GAK: variants seen among roughly 807,000 people sequenced by gnomAD.
GAK encodes the protein cyclin G associated kinase, also known as cyclin-G-associated kinase.
A neutral mutation model predicts 143.9 loss-of-function variants in GAK; 79 were observed. The observed-to-expected ratio is 0.55, with a 90% CI of 0.46 to 0.66. The LOEUF (loss-of-function observed/expected upper bound fraction) is 0.66, where lower values mean the gene tolerates loss of function less well. Ranked by LOEUF, GAK falls within the 30% of genes least tolerant of loss-of-function variation. GAK has a pLI of 0.00. For synonymous variants in GAK, 881 were observed against 765.5 expected, an observed-to-expected ratio of 1.15 and a Z score of -2.49; for missense variants, 1,693 against 1,779.7, an observed-to-expected ratio of 0.95 and a Z score of 0.88.
chr4:864,640 C>T (rs911671305), intron 23 of GAK, among the ~76,000 whole-genome samples: 6 of 152,200 alleles, frequency 3.9e-5, no homozygotes, highest in South Asian at 2.1e-4. Flanking sequence ...CACGGGGCGT[C>T]GCAAACACGA....
chr4:885,274 G>A (rs187964896), intron 11 of GAK, among the ~76,000 whole-genome samples: 13 of 152,224 alleles, frequency 8.5e-5, no homozygotes, highest in East Asian at 3.9e-4. Context: ...TCTAATCACC[G>A]GTAGAAAAAC....
intron 2 of GAK, 85 bp from the exon 3 acceptor site, chr4:912,879 G>T (rs1014151030): frequency 1.7e-6 from 2 of 1,143,174 alleles, no homozygotes; most frequent in Non-Finnish European, 2.6e-6. Flanking sequence ...ACATAAGCAC[G>T]CAACAGAGCA....
chr4:887,182 A>G (rs951567868), intron 11 of GAK: 1 of 150,854 alleles, frequency 6.6e-6, no homozygotes, highest in African/African-American at 2.5e-5. Context: ...ACACGCGTAC[A>G]CATGCACGCG....
At chr4:923,235 C>A (rs1724172703) in intron 1 of GAK, among the ~76,000 whole-genome samples, 1 of 152,246 alleles carries the variant, frequency 6.6e-6, no homozygotes, top group East Asian at 1.9e-4. Context: ...TTCTCACAGC[C>A]GCGTGGGAAC....
chr4:882,353 G>C (rs10902760), intron 14 of GAK, among the ~76,000 whole-genome samples: 6,654 of 152,264 alleles, frequency 0.044, 170 homozygotes, highest in Middle Eastern at 0.075. Flanking sequence ...GCCACACCCT[G>C]GGAGGCTCAA....
At chr4:881,733 G>A (rs1012149855) in intron 15 of GAK, among the ~76,000 whole-genome samples, 174 bp downstream of exon 15, 3 of 152,246 alleles carry the variant, frequency 2.0e-5, no homozygotes, top group South Asian at 2.1e-4. Context: ...CATCCTCCCC[G>A]GGCTCTGCGG....
chr4:849,833 G>GGGGGGGGCCCCCCCCCCCC, intron 27 of GAK, 59 bp from the exon 28 acceptor site: 1 of 1,190,154 alleles, frequency 8.4e-7, no homozygotes. Flanking sequence ...GGCGGGGCAG[G>GGGGGGGGCCCCCCCCCCCC]ACCCCCCCCC....
rs760965053 is a variant in GAK, at chr4:904,667, C to T, written c.495G>A (p.Gln165=). ...GGTCCCTGTGGATGATGGGCGGCTT[C>T]TGCCGGTGCATGTGCTGCACGGCGC... The part of the protein sequence containing the change: ...TCRAVQHMHR[Q]KPPIIHRDLK... Residue 165 remains glutamine (Q), a synonymous_variant, in exon 5 of 28, where the codon CAG becomes CAA. Transcript: ENST00000314167. 1 of 1,603,992 alleles carries T rather than the reference C, an allele frequency of 6.2e-7. No individual in the cohort carries two copies. The highest frequency in any genetic ancestry group is 1.1e-5 in the South Asian group (1 of 90,268).
At chr4:883,794 G>C (rs1715663647) in intron 12 of GAK, among the ~76,000 whole-genome samples, 1 of 152,226 alleles carries the variant, frequency 6.6e-6, no homozygotes, top group African/African-American at 2.4e-5. Flanking sequence ...GCCTTGTGTT[G>C]TTCCTGGCAT....
At chr4:895,248 GC>G (rs1718548709) in intron 7 of GAK, among the ~76,000 whole-genome samples, 1 of 152,330 alleles carries the variant, frequency 6.6e-6, no homozygotes, top group African/African-American at 2.4e-5. Context: ...CGCAGAACTG[GC>G]CTTGAACAAT....
Position 888,901 on chromosome 4 carries a change from C to T in GAK, c.1151G>A (p.Arg384Gln), listed in dbSNP as rs750239343. The T allele has an allele frequency of 5.6e-6, 9 of 1,612,106 alleles. No individual in the cohort carries two copies. The highest frequency in any genetic ancestry group is 3.3e-5 in the Admixed American group (2 of 59,832). Reference protein sequence around the residue: ...FLDILRGGTERLFTNLKDTSS... With the variant: ...FLDILRGGTEQLFTNLKDTSS... ...GGTGTCCTTGAGGTTGGTGAAGAGC[C>T]GCTCTGTCCCACCCCGCAGAATGTC... Residue 384 changes from arginine (R) to glutamine (Q), a missense_variant, in exon 11 of 28, where the codon CGG becomes CAG. Coordinates refer to ENST00000314167, the MANE Select transcript of GAK (RefSeq NM_005255.4).
rs772107880 is a variant in GAK at position 893,917 on chromosome 4, G to A, written c.834C>T (p.Ile278=). The change falls in exon 8 of 28, where the codon ATC becomes ATT. Residue 278 remains isoleucine, a synonymous_variant. Coordinates refer to ENST00000314167, the MANE Select transcript of GAK (RefSeq NM_005255.4). ...KLRIVNGKYS[I]PPHDTQYTVF... is the part of the protein sequence containing the mutation. Reference sequence around the variant, plus strand: ...CCGTGTACTGCGTGTCGTGCGGGGGGATCGAGTACTTCCCATTGACTATTC... The same window carrying A: ...CCGTGTACTGCGTGTCGTGCGGGGGAATCGAGTACTTCCCATTGACTATTC... 9 of 1,612,224 alleles carry A rather than the reference G, an allele frequency of 5.6e-6. No homozygotes were observed. Among genetic ancestry groups the A allele is most frequent in the Non-Finnish European group, 5.9e-6 (7 of 1,179,392 alleles).
chr4:910,486 C>A (rs1389342417), intron 4 of GAK, among the ~76,000 whole-genome samples: 1 of 152,018 alleles, frequency 6.6e-6, no homozygotes, highest in African/African-American at 2.4e-5. Context: ...CAGCTCAGAA[C>A]CCCCTTGCTC....
chr4:897,971 C>A, intron 6 of GAK, 62 bp downstream of exon 6: 3 of 1,542,170 alleles, frequency 1.9e-6, no homozygotes, highest in South Asian at 1.2e-5. Flanking sequence ...CAGCACTCCG[C>A]ACTCAGGGCG....
chr4:912,864 C>G, intron 2 of GAK, 70 bp from the exon 3 acceptor site: 9 of 1,328,006 alleles, frequency 6.8e-6, no homozygotes, highest in Non-Finnish European at 9.7e-6. Flanking sequence ...GATGCATCAT[C>G]TCAGACATAA....
At chr4:927,443 C>G (rs374262503) in intron 1 of GAK, among the ~76,000 whole-genome samples, 1 of 2,434 alleles carries the variant, frequency 4.1e-4, no homozygotes, top group Non-Finnish European at 7.6e-4. Flanking sequence ...CACCCCTCCC[C>G]GCTCACCTGC....
At chr4:868,964 T>A in intron 19 of GAK, 1 of 453,340 alleles carries the variant, frequency 2.2e-6, no homozygotes, top group Non-Finnish European at 4.1e-6. Context: ...ACGCCACACA[T>A]ATGCAGGGTA....
rs372822197 is a variant in GAK at position 855,419 on chromosome 4, G to A, written c.3284-3445C>T. Among the ~76,000 whole-genome samples the A allele has an allele frequency of 1.6e-4, 24 of 152,298 alleles. No individual in the cohort carries two copies. The East Asian group carries it at 4.2e-3, about 27-fold the overall frequency. ...ATTGCAAGTAAACAGAAATAGGACAGATTTTTGTGTGTTGACCTGGTATCC... is the reference window on the plus strand; with the variant it reads ...ATTGCAAGTAAACAGAAATAGGACAAATTTTTGTGTGTTGACCTGGTATCC... On this transcript the variant is annotated intron_variant, in intron 24 of 27. Coordinates refer to ENST00000314167, the MANE Select transcript of GAK (RefSeq NM_005255.4).
At chr4:904,851 C>A in intron 4 of GAK, 72 bp from the exon 5 acceptor site, 1 of 1,486,774 alleles carries the variant, frequency 6.7e-7, no homozygotes, top group East Asian at 2.4e-5. Context: ...GGCTGTTTCA[C>A]GCGGACTTCC....
Sources: allele counts gnomAD v4.1 joint callset (sites outside exome capture counted in the v4.1 genomes callset), GRCh38; gene constraint gnomAD v4.1.1; transcripts MANE v1.5; gene names NCBI Gene and HGNC (gene_info 2026-07-23, HGNC 2026-07-21).